The following RPTOR variants were observed in gnomAD, a reference collection of about 807,000 sequenced individuals.
The protein encoded by RPTOR is regulatory-associated protein of mTOR.
Under a neutral mutation model 169.9 loss-of-function variants are expected in RPTOR, and 21 were observed. The ratio of observed to expected loss-of-function variants is 0.12; its 90% CI spans 0.09 to 0.18. The LOEUF is 0.18. RPTOR is among the 10% of genes least tolerant of loss of function. The pLI, the probability that RPTOR is intolerant of heterozygous loss-of-function variation, is 1.00. For missense variants in RPTOR, 1,133 were observed against 1,855.9 expected, an observed-to-expected ratio of 0.61 and a Z score of 7.16; for synonymous variants, 732 against 753.2, an observed-to-expected ratio of 0.97 and a Z score of 0.46.
chr17:80,865,993 C>T (rs1158169410), intron 13 of RPTOR, among the ~76,000 whole-genome samples: 1 of 151,998 alleles, frequency 6.6e-6, no homozygotes, highest in Admixed American at 6.6e-5. Flanking sequence ...TCTCTAAGCA[C>T]TTAGAAACAG....
intron 4 of RPTOR, among the ~76,000 whole-genome samples, chr17:80,716,413 G>A (rs2066239828): frequency 6.6e-6 from 1 of 151,952 alleles, no homozygotes; most frequent in African/African-American, 2.4e-5. Context: ...AATTTTTGAT[G>A]GGATTTTTTT....
rs2069415328 is a variant in RPTOR, at chr17:80,965,481, A to G, written c.*1151A>G. On this transcript the variant is annotated 3_prime_UTR_variant, in exon 34 of 34. Transcript: ENST00000306801. ...GCCCAGGAGGGGCCGCAGGGCGTGT[A>G]TGAGCAGTTTTGCAAACAGAACACA... The G allele has an allele frequency of 1.3e-5, 3 of 233,388 alleles. No individual in the cohort carries two copies. The East Asian group carries it at 1.8e-4, about 14-fold the overall frequency. 14.5% of individuals were successfully genotyped at this position (233,388 alleles called of 1,614,324 possible).
At chr17:80,569,569 G>T (rs758243076) in intron 1 of RPTOR, among the ~76,000 whole-genome samples, 2 of 152,198 alleles carry the variant, frequency 1.3e-5, no homozygotes, top group South Asian at 4.1e-4. Context: ...ATAAAAGCAG[G>T]TCTAGGTCAG....
chr17:80,751,071 T>A (rs1203200710), intron 5 of RPTOR, among the ~76,000 whole-genome samples: 1 of 152,252 alleles, frequency 6.6e-6, no homozygotes, highest in Non-Finnish European at 1.5e-5. Flanking sequence ...CATTAGTACC[T>A]TCCAGCTGAG....
Position 80,823,288 on chromosome 17 carries a change from G to A in RPTOR, c.1136+65G>A. On this transcript the variant is annotated intron_variant, in intron 9 of 33. Transcript: ENST00000306801. The surrounding 1 kb of genome is among the most constrained non-coding windows in gnomAD (Gnocchi z 4.5). ...CCCTCCGTGGCACTGTGATGTCATG[G>A]AATTGCACGGAGCTGGGCAGGGAGG... The A allele has an allele frequency of 6.3e-7, 1 of 1,584,802 alleles. No homozygotes were observed. The highest frequency in any genetic ancestry group is 1.7e-5 in the Admixed American group (1 of 58,626).
intron 7 of RPTOR, among the ~76,000 whole-genome samples, chr17:80,816,311 G>A (rs1269282166): frequency 6.6e-6 from 1 of 152,236 alleles, no homozygotes; most frequent in Non-Finnish European, 1.5e-5. Flanking sequence ...GGCATCTTTG[G>A]GAGGCCTGGC....
chr17:80,582,769 C>T (rs2143369435), intron 1 of RPTOR, among the ~76,000 whole-genome samples: 1 of 151,810 alleles, frequency 6.6e-6, no homozygotes, highest in South Asian at 2.1e-4. Context: ...TGGTCTCGAT[C>T]TCTTGACCTC....
At chr17:80,850,077 A>G (rs1418546462) in intron 11 of RPTOR, among the ~76,000 whole-genome samples, 7 of 152,186 alleles carry the variant, frequency 4.6e-5, no homozygotes, top group African/African-American at 1.7e-4. Flanking sequence ...TTTTCTTTTC[A>G]ATAGATCCAG....
chr17:80,586,942 T>C (rs986186612), intron 1 of RPTOR, among the ~76,000 whole-genome samples: 46 of 152,252 alleles, frequency 3.0e-4, no homozygotes, highest in Non-Finnish European at 4.7e-4. Context: ...ATGCTCAGCA[T>C]GTAGCTGTGC....
At chr17:80,882,343 C>T (rs1381411112) in intron 14 of RPTOR, among the ~76,000 whole-genome samples, 2 of 152,162 alleles carry the variant, frequency 1.3e-5, no homozygotes, top group South Asian at 2.1e-4. Flanking sequence ...GAAACAAATT[C>T]GTACATAGAC....
At chr17:80,632,881 T>C (rs2065452772) in intron 2 of RPTOR, among the ~76,000 whole-genome samples, 1 of 152,186 alleles carries the variant, frequency 6.6e-6, no homozygotes, top group African/African-American at 2.4e-5. Context: ...CATAGCTCAC[T>C]GCAGCCTCAA....
intron 7 of RPTOR, chr17:80,804,220 C>T (rs1056350825): frequency 2.0e-5 from 3 of 152,362 alleles, no homozygotes; most frequent in African/African-American, 7.2e-5. Flanking sequence ...TGACTAGTGG[C>T]TCCGTTTGCA....
chr17:80,966,051 C>T lies in RPTOR; in HGVS notation c.*1721C>T, dbSNP rs1375282869. 2 of 232,442 alleles carry T rather than the reference C, an allele frequency of 8.6e-6. No individual in the cohort carries two copies. Among genetic ancestry groups the T allele is most frequent in the East Asian group, 6.1e-5 (1 of 16,486 alleles). The allele number at this position is 232,442 out of a possible 1,614,324, so 14.4% of individuals were successfully genotyped here. A position where few individuals can be genotyped will look rare whatever the true frequency, so the allele number is the denominator to read the frequency against. ...TTCAACTCAATTCTTACCCAACACGCGTTTCTGTTTGTTTTGAGACAAAAT... is the reference window on the plus strand; with the variant it reads ...TTCAACTCAATTCTTACCCAACACGTGTTTCTGTTTGTTTTGAGACAAAAT... On this transcript the variant is annotated 3_prime_UTR_variant, in exon 34 of 34. Transcript: ENST00000306801.
At chr17:80,894,545 G>A (rs942524775) in intron 20 of RPTOR, among the ~76,000 whole-genome samples, 7 of 152,224 alleles carry the variant, frequency 4.6e-5, no homozygotes, top group African/African-American at 1.7e-4. Flanking sequence ...CAGGATTGCT[G>A]TTGTAAAACA....
intron 6 of RPTOR, among the ~76,000 whole-genome samples, chr17:80,767,858 G>T (rs906584101): frequency 1.3e-5 from 2 of 151,534 alleles, no homozygotes; most frequent in Admixed American, 6.6e-5. Flanking sequence ...TTTTTTTTAT[G>T]ATTTTATTTT....
intron 21 of RPTOR, among the ~76,000 whole-genome samples, chr17:80,920,340 C>G (rs929588783): frequency 2.0e-5 from 3 of 152,220 alleles, no homozygotes; most frequent in African/African-American, 7.2e-5. Context: ...GGCCAACCCC[C>G]TGTGGTCACT....
At chr17:80,797,676 G>A (rs573926102) in intron 7 of RPTOR, among the ~76,000 whole-genome samples, 35 of 152,182 alleles carry the variant, frequency 2.3e-4, no homozygotes, top group Non-Finnish European at 4.1e-4. Flanking sequence ...CTTCCATGCC[G>A]CTGTGGTTTT....
rs60169109 is a variant in RPTOR, at chr17:80,562,992, C to T, written c.162+17201C>T. Among the ~76,000 whole-genome samples, 13 of 152,270 alleles carry T rather than the reference C, an allele frequency of 8.5e-5. No individual in the cohort carries two copies. The highest frequency in any genetic ancestry group is 3.9e-4 in the East Asian group (2 of 5,182). On this transcript the variant is annotated intron_variant, in intron 1 of 33. Coordinates refer to ENST00000306801, the MANE Select transcript of RPTOR (RefSeq NM_020761.3). The surrounding 1 kb of genome is among the most constrained non-coding windows in gnomAD (Gnocchi z 4.4). ...TTCATGTTGGCACATGTGGCTTCATCGGGTGGGCTACCATCCTGCATCAAT... is the reference window on the plus strand; with the variant it reads ...TTCATGTTGGCACATGTGGCTTCATTGGGTGGGCTACCATCCTGCATCAAT...
intron 3 of RPTOR, among the ~76,000 whole-genome samples, chr17:80,685,244 T>C (rs2065930959): frequency 8.7e-6 from 1 of 114,716 alleles, no homozygotes; most frequent in Non-Finnish European, 1.8e-5. Flanking sequence ...GTCTGGGAGA[T>C]GAGAAATGCT....
Sources: allele counts gnomAD v4.1 joint callset (sites outside exome capture counted in the v4.1 genomes callset), GRCh38; gene constraint gnomAD v4.1.1; non-coding constraint Gnocchi (gnomAD v3.1); transcripts MANE v1.5; gene names NCBI Gene and HGNC (gene_info 2026-07-23, HGNC 2026-07-21).